The following ABCC8 variants were observed in gnomAD, a reference collection of about 807,000 sequenced individuals.
ABCC8 encodes ATP binding cassette subfamily C member 8, also known as ATP-binding cassette sub-family C member 8.
ABCC8 carries 137 observed loss-of-function variants against 188.0 expected under a neutral mutation model. That is an observed-to-expected ratio of 0.73 (90% CI 0.63 to 0.84). The LOEUF (loss-of-function observed/expected upper bound fraction) is 0.84. ABCC8 is among the 40% of genes least tolerant of loss of function. The pLI is 0.00. For missense variants in ABCC8, 1,750 were observed against 2,072.7 expected (o/e 0.84, Z 3.02); for synonymous variants, 797 against 846.5 (o/e 0.94, Z 1.01).
At chr11:17,471,214 A>T (rs758581307) in intron 2 of ABCC8, among the ~76,000 whole-genome samples, 23 of 152,212 alleles carry the variant, frequency 1.5e-4, no homozygotes, top group Non-Finnish European at 3.1e-4. Flanking sequence ...GGGGGCTGCC[A>T]TGCTCAGAGC....
chr11:17,445,355 G>A (rs780645188), intron 8 of ABCC8, among the ~76,000 whole-genome samples: 2 of 152,158 alleles, frequency 1.3e-5, no homozygotes, highest in South Asian at 2.1e-4. Context: ...CAATGGGTAC[G>A]GGTTTCTTTT....
At position 17,450,608 on chromosome 11, in the gene ABCC8, AG is replaced by A. The variant is rs1220691871; in HGVS notation, c.1177-1938del. Among the ~76,000 whole-genome samples, 6 of 144,292 alleles carry A rather than the reference AG, an allele frequency of 4.2e-5. 1 individual carries two copies. The South Asian group carries it at 1.3e-3, about 31-fold the overall frequency. The allele number at this position is 144,292 out of a possible 152,430, so 94.7% of individuals were successfully genotyped here. On this transcript the variant is annotated intron_variant, in intron 7 of 38. Transcript: ENST00000389817. ...GAGACGGGGTTTCACCATGTTAGCC[AG>A]GATGGTCTCGATCTCCTGACCTTGT...
chr11:17,450,838 G>A (rs549873341), intron 7 of ABCC8, among the ~76,000 whole-genome samples: 17 of 151,388 alleles, frequency 1.1e-4, no homozygotes, highest in African/African-American at 3.6e-4. Flanking sequence ...ACAGGTGCAC[G>A]CCAACATGCC....
At chr11:17,396,803 G>A in intron 33 of ABCC8, 113 bp downstream of exon 33, 1 of 1,353,354 alleles carries the variant, frequency 7.4e-7, no homozygotes, top group South Asian at 1.3e-5. Flanking sequence ...TGAATAGTGA[G>A]AGGCCTCGGC....
intron 10 of ABCC8, among the ~76,000 whole-genome samples, chr11:17,434,630 A>C (rs1044145823): frequency 6.6e-6 from 1 of 152,200 alleles, no homozygotes; most frequent in Non-Finnish European, 1.5e-5. Context: ...AGAAAACGTG[A>C]TAATTGACAC....
chr11:17,426,490 T>C (rs1044113921), intron 16 of ABCC8, among the ~76,000 whole-genome samples: 4 of 152,248 alleles, frequency 2.6e-5, no homozygotes, highest in African/African-American at 7.2e-5. Context: ...AGATTCGTGA[T>C]TGACTGAGCC....
chr11:17,421,019 CGTGAG>C (rs1955315712), intron 16 of ABCC8, among the ~76,000 whole-genome samples: 1 of 152,196 alleles, frequency 6.6e-6, no homozygotes, highest in Non-Finnish European at 1.5e-5. Flanking sequence ...AGGCTGCTGA[CGTGAG>C]GGACAAGCTC....
In ABCC8 at chr11:17,393,125, G is replaced by C. The variant is rs1411638309; in HGVS notation, c.4612C>G (p.Arg1538Gly). 1 of 1,610,772 alleles carries C rather than the reference G, an allele frequency of 6.2e-7. No individual in the cohort carries two copies. The highest frequency in any genetic ancestry group is 1.7e-5 in the Admixed American group (1 of 59,916). ...ADRTVVTIAH[R>G]VHTILSADLV... The stretch of plus-strand genomic sequence containing the variant: ...TCTGCACTCAGGATGGTGTGCACTC[G>C]ATGCTGGGCAGGGCAGGAGGGGGCG... The change falls in exon 39 of 39, where the codon CGA becomes GGA. Residue 1538 changes from arginine (R) to glycine (G), a missense_variant. Coordinates refer to ENST00000389817, the MANE Select transcript of ABCC8 (RefSeq NM_000352.6).
chr11:17,465,644 A>G (rs1848102277), intron 3 of ABCC8: 1 of 151,428 alleles, frequency 6.6e-6, no homozygotes, highest in South Asian at 2.1e-4. Context: ...AGCTCCCATT[A>G]CTCCTCCTTC....
chr11:17,463,335 T>C, intron 4 of ABCC8, 103 bp downstream of exon 4: 1 of 1,022,874 alleles, frequency 9.8e-7, no homozygotes, highest in Non-Finnish European at 1.5e-6. Context: ...AGCTGATCCC[T>C]TCTCAGTTTG....
intron 8 of ABCC8, among the ~76,000 whole-genome samples, chr11:17,446,782 G>GCTGTGT (rs1210089141): frequency 6.6e-6 from 1 of 152,136 alleles, no homozygotes; most frequent in Non-Finnish European, 1.5e-5. Flanking sequence ...ATCTTGTCTA[G>GCTGTGT]CTGTGTCCCT....
chr11:17,412,225 C>A (rs1017970711), intron 21 of ABCC8, among the ~76,000 whole-genome samples: 1 of 152,136 alleles, frequency 6.6e-6, no homozygotes, highest in Admixed American at 6.5e-5. Context: ...CTAGTGGTTA[C>A]CTGGAGTGCT....
chr11:17,452,235 A>G (rs1271542634), intron 7 of ABCC8, among the ~76,000 whole-genome samples: 1 of 152,200 alleles, frequency 6.6e-6, no homozygotes, highest in East Asian at 1.9e-4. Context: ...TCTTTCCAGA[A>G]ACTCTAAGAA....
At chr11:17,469,575 A>G (rs1848364915) in intron 3 of ABCC8, among the ~76,000 whole-genome samples, 1 of 151,432 alleles carries the variant, frequency 6.6e-6, no homozygotes. Context: ...CTCCTCTGTC[A>G]CATCAGTTAT....
chr11:17,417,853 G>A (rs752360437), intron 16 of ABCC8, among the ~76,000 whole-genome samples: 4 of 152,000 alleles, frequency 2.6e-5, no homozygotes, highest in African/African-American at 7.2e-5. Flanking sequence ...GGGCTCAAGC[G>A]ATCCTCCTGC....
In ABCC8 at chr11:17,427,204, C is replaced by T; in HGVS notation, c.2117-50G>A. On this transcript the variant is annotated intron_variant, in intron 15 of 38. Coordinates refer to ENST00000389817, the MANE Select transcript of ABCC8 (RefSeq NM_000352.6). This position sits in a 1 kb window ranked among gnomAD's most constrained non-coding sequence, Gnocchi z 5.0. ...GTGAGTGGGGCCGGGGGAGTCTGAA[C>T]AACCATTACCCAGAAAGACAGACAG... 1.3e-6 allele frequency: 2 copies of T among 1,555,218 alleles called. No individual in the cohort carries two copies. Among genetic ancestry groups the T allele is most frequent in the East Asian group, 2.3e-5 (1 of 42,670 alleles).
chr11:17,466,340 G>A (rs10766402), intron 3 of ABCC8, among the ~76,000 whole-genome samples: 68,071 of 149,004 alleles, frequency 0.46, 16,882 homozygotes, highest in African/African-American at 0.67. Flanking sequence ...CAGAGGTTGC[G>A]GTGAGCCGAG....
chr11:17,441,940 TGTG>T (rs1367442797), intron 10 of ABCC8, among the ~76,000 whole-genome samples: 1 of 151,694 alleles, frequency 6.6e-6, no homozygotes, highest in African/African-American at 2.4e-5. Context: ...ATTAGTCGGG[TGTG>T]GTGGTGTGTG....
chr11:17,396,975 C>T lies in ABCC8; in HGVS notation c.4060G>A (p.Asp1354Asn), dbSNP rs1199684247. 6.2e-6 allele frequency: 10 copies of T among 1,614,088 alleles called. No homozygotes were observed. Among genetic ancestry groups the T allele is most frequent in the African/African-American group, 5.3e-5 (4 of 74,940 alleles). The change falls in exon 33 of 39, where the codon GAC becomes AAC. Residue 1354 changes from aspartate (D) to asparagine (N), a missense_variant. Asp to Asn is a conservative substitution (Grantham distance 23). Transcript: ENST00000389817. ...IQIQNLSVRY[D>N]SSLKPVLKHV... ...TTCAGCACCGGCTTCAGGGAGCTGT[C>T]GTAGCGCACGCTCAGGTTCTGGATC...
Sources: gnomAD v4.1 joint callset for allele counts (sites outside exome capture counted in the v4.1 genomes callset) on GRCh38, gnomAD v4.1.1 for gene constraint, Gnocchi (gnomAD v3.1) non-coding constraint, MANE v1.5 for transcripts, NCBI Gene and HGNC (gene_info 2026-07-23, HGNC 2026-07-21) for gene names.